PHACTR3: variants seen among roughly 807,000 people sequenced by gnomAD.
PHACTR3 encodes protein phosphatase 1, regulatory subunit 123.
A neutral mutation model predicts 66.8 loss-of-function variants in PHACTR3; 16 were observed. That is an observed-to-expected ratio of 0.24 (90% CI 0.16 to 0.36). PHACTR3 has a LOEUF of 0.36. Among genes scored for constraint, PHACTR3 ranks in the 10% least tolerant of loss-of-function variants. The probability of loss-of-function intolerance (pLI) is 1.00; values close to 1 mark genes in which losing one functional copy is unlikely to be tolerated. For missense variants in PHACTR3, 647 were observed against 719.9 expected (o/e 0.90, Z 1.16); for synonymous variants, 323 against 292.1 (o/e 1.11, Z -1.08).
At position 59,635,148 on chromosome 20, in the gene PHACTR3, T is replaced by TTTCTTTCTTTCTTTTTCTTTCTTTC. The variant is rs1491155985; in HGVS notation, c.118+30018_118+30019insCTTTCTTTCTTTTTCTTTCTTTCTT. On this transcript the variant is annotated intron_variant, in intron 1 of 12. Coordinates refer to ENST00000371015, the MANE Select transcript of PHACTR3 (RefSeq NM_080672.5). ...CTTTCTTTCTTTCTTTCTTTCTTTC[T>TTTCTTTCTTTCTTTTTCTTTCTTTC]TTTTCTTTCTTTCTTTCTTTCCTTT... Among the ~76,000 whole-genome samples, 23 of 23,696 alleles carry TTTCTTTCTTTCTTTTTCTTTCTTTC rather than the reference T, an allele frequency of 9.7e-4. 1 individual carries two copies. In the East Asian group the frequency reaches 0.011, roughly 12 times the overall value. 15.5% of individuals were successfully genotyped at this position (23,696 alleles called of 152,430 possible). A position where few individuals can be genotyped will look rare whatever the true frequency, so the allele number is the denominator to read the frequency against.
At chr20:59,720,320 G>T (rs2038246632) in intron 1 of PHACTR3, among the ~76,000 whole-genome samples, 2 of 152,182 alleles carry the variant, frequency 1.3e-5, no homozygotes. Flanking sequence ...CACAAAAGCT[G>T]CCCATCAATG....
intron 1 of PHACTR3, among the ~76,000 whole-genome samples, chr20:59,605,533 G>A (rs1333496852): frequency 6.6e-6 from 1 of 152,174 alleles, no homozygotes; most frequent in Admixed American, 6.5e-5. Flanking sequence ...GTCCCCGCTT[G>A]GGCATCTGCT....
At chr20:59,715,037 C>A (rs1056875384) in intron 1 of PHACTR3, among the ~76,000 whole-genome samples, 1 of 152,100 alleles carries the variant, frequency 6.6e-6, no homozygotes, top group Non-Finnish European at 1.5e-5. Context: ...AAGAAACTTG[C>A]TAAATTATTC....
intron 4 of PHACTR3, among the ~76,000 whole-genome samples, chr20:59,764,297 AG>A (rs1442165492): frequency 6.7e-6 from 1 of 149,416 alleles, no homozygotes; most frequent in Admixed American, 6.7e-5. Flanking sequence ...CCCTGGTATG[AG>A]GACACTGACC....
intron 1 of PHACTR3, among the ~76,000 whole-genome samples, chr20:59,582,348 G>A (rs1405343678): frequency 1.3e-5 from 2 of 152,176 alleles, no homozygotes; most frequent in Non-Finnish European, 2.9e-5. Context: ...TTCTGCTACC[G>A]ATGGCCATGG....
chr20:59,793,183 C>T (rs2041155494), intron 7 of PHACTR3, among the ~76,000 whole-genome samples: 1 of 152,144 alleles, frequency 6.6e-6, no homozygotes, highest in Admixed American at 6.6e-5. Context: ...GCCCCTGCAC[C>T]CAGCCTATAG....
chr20:59,768,771 G>T (rs1466551186), intron 5 of PHACTR3, among the ~76,000 whole-genome samples: 1 of 152,222 alleles, frequency 6.6e-6, no homozygotes, highest in African/African-American at 2.4e-5. Context: ...GGTGGAAAAT[G>T]CTTTCAGTGG....
intron 8 of PHACTR3, among the ~76,000 whole-genome samples, chr20:59,806,659 C>A (rs1266521893): frequency 1.3e-5 from 2 of 152,196 alleles, no homozygotes; most frequent in African/African-American, 2.4e-5. Context: ...AAGCTACCCC[C>A]CCACCCACAT....
chr20:59,800,119 G>A (rs867949771), intron 7 of PHACTR3, among the ~76,000 whole-genome samples: 5 of 152,106 alleles, frequency 3.3e-5, no homozygotes, highest in African/African-American at 9.6e-5. Flanking sequence ...TTGTTCTATT[G>A]TTGTTGTCCA....
intron 1 of PHACTR3, among the ~76,000 whole-genome samples, chr20:59,655,015 G>A (rs2035571187): frequency 6.6e-6 from 1 of 152,042 alleles, no homozygotes; most frequent in East Asian, 1.9e-4. Flanking sequence ...TCTGGCTGAT[G>A]TAAATAAAGC....
At chr20:59,683,401 T>G (rs1276757434) in intron 1 of PHACTR3, among the ~76,000 whole-genome samples, 1 of 152,040 alleles carries the variant, frequency 6.6e-6, no homozygotes, top group East Asian at 1.9e-4. Context: ...AAGCTGAATG[T>G]GAGCTAACGC....
At position 59,805,374 on chromosome 20, in the gene PHACTR3, G is replaced by A. The variant is rs186579258; in HGVS notation, c.1175-667G>A. Among the ~76,000 whole-genome samples the A allele has an allele frequency of 4.2e-3, 642 of 152,344 alleles. 3 individuals carry two copies. The highest frequency in any genetic ancestry group is 0.015 in the African/African-American group (604 of 41,584). On this transcript the variant is annotated intron_variant, in intron 7 of 12. Transcript: ENST00000371015. ...CCACACCCTGCTAGGACATGGGCGG[G>A]TGGGGGAAAGGCTGTCACTTAAAGT...
intron 1 of PHACTR3, among the ~76,000 whole-genome samples, chr20:59,642,937 A>T (rs1351245781): frequency 6.6e-6 from 1 of 152,070 alleles, no homozygotes; most frequent in African/African-American, 2.4e-5. Flanking sequence ...TTTGAGACAG[A>T]GTCTCACTCT....
chr20:59,819,536 TAAAAA>T (rs1341673476), intron 8 of PHACTR3, among the ~76,000 whole-genome samples: 2 of 131,510 alleles, frequency 1.5e-5, no homozygotes, highest in Non-Finnish European at 1.6e-5. Context: ...ACCCTGTCGT[TAAAAA>T]AAAAAAAAAA....
chr20:59,743,113 T>C lies in PHACTR3; in HGVS notation c.125T>C (p.Met42Thr). The C allele has an allele frequency of 6.2e-7, 1 of 1,613,142 alleles. No homozygotes were observed. The highest frequency in any genetic ancestry group is 8.5e-7 in the Non-Finnish European group (1 of 1,179,578). The change falls in exon 2 of 13, where the codon ATG becomes ACG. Residue 42 changes from methionine to threonine, a missense_variant. This residue lies in a region of PHACTR3 where 577 missense variants were observed against 571.1 expected (regional missense o/e 1.01). Coordinates refer to ENST00000371015, the MANE Select transcript of PHACTR3 (RefSeq NM_080672.5). ...CTTGGTTTTCGTCTTCCAGATGAGATGGACCAAACGCCCCCGGCGCGTCCT... is the reference window on the plus strand; with the variant it reads ...CTTGGTTTTCGTCTTCCAGATGAGACGGACCAAACGCCCCCGGCGCGTCCT... ...SADAGENPDEMDQTPPARPEY... is the reference protein window; with the variant it reads ...SADAGENPDETDQTPPARPEY...
chr20:59,580,035 G>A (rs766177826), intron 1 of PHACTR3, among the ~76,000 whole-genome samples: 4 of 152,160 alleles, frequency 2.6e-5, no homozygotes, highest in East Asian at 1.9e-4. Flanking sequence ...GCCATTGCAC[G>A]TCTGAGTCTG....
chr20:59,730,808 T>C (rs779104079), intron 1 of PHACTR3, among the ~76,000 whole-genome samples: 3 of 152,172 alleles, frequency 2.0e-5, no homozygotes, highest in Non-Finnish European at 4.4e-5. Flanking sequence ...TTAATTTATG[T>C]CCCATCTGTG....
intron 10 of PHACTR3, among the ~76,000 whole-genome samples, chr20:59,840,698 T>G (rs1198673341): frequency 1.3e-5 from 2 of 152,242 alleles, no homozygotes; most frequent in African/African-American, 4.8e-5. Context: ...TATGTTCAGG[T>G]GGAAGCCAGA....
chr20:59,822,381 C>G (rs999823925), intron 8 of PHACTR3, among the ~76,000 whole-genome samples: 1 of 148,880 alleles, frequency 6.7e-6, no homozygotes, highest in South Asian at 2.2e-4. Context: ...AAGAACAAAG[C>G]AGATGCGGGG....
Sources: allele counts gnomAD v4.1 joint callset (sites outside exome capture counted in the v4.1 genomes callset), GRCh38; gene constraint gnomAD v4.1.1; regional missense constraint gnomAD v4.1.1; transcripts MANE v1.5; gene names NCBI Gene and HGNC (gene_info 2026-07-23, HGNC 2026-07-21).